XKR6: variants seen among roughly 807,000 people sequenced by gnomAD.
XKR6 encodes XK related 6, also known as XK-related protein 6.
A neutral mutation model predicts 56.7 loss-of-function variants in XKR6; 22 were observed. The ratio of observed to expected loss-of-function variants is 0.39; its 90% CI spans 0.28 to 0.55. The LOEUF is 0.55. Ranked by LOEUF, XKR6 falls within the 20% of genes least tolerant of loss-of-function variation. The pLI is 0.66. For synonymous variants in XKR6, 524 were observed against 387.8 expected, an observed-to-expected ratio of 1.35 and a Z score of -4.13; for missense variants, 852 against 889.0, an observed-to-expected ratio of 0.96 and a Z score of 0.53.
rs77564717 is a variant in XKR6, at chr8:11,196,140, T to C, written c.764+4436A>G. 3.1e-3 allele frequency among the ~76,000 whole-genome samples: 477 copies of C among 152,228 alleles called. 10 individuals are homozygous for C. The highest frequency in any genetic ancestry group is 0.022 in the South Asian group (105 of 4,822). On this transcript the variant is annotated intron_variant, in intron 1 of 2. Transcript: ENST00000416569. ...ATCTCCTCATTTGTAGGTATCTAAA[T>C]ATTGAATATTACCATTCTTAAACCA...
At chr8:10,969,178 C>G (rs901303282) in intron 1 of XKR6, among the ~76,000 whole-genome samples, 4 of 152,158 alleles carry the variant, frequency 2.6e-5, no homozygotes, top group African/African-American at 9.7e-5. Context: ...TTTTTACAAG[C>G]ACTGCAGGGA....
chr8:11,025,093 G>A (rs572380998), intron 1 of XKR6, among the ~76,000 whole-genome samples: 2 of 152,292 alleles, frequency 1.3e-5, no homozygotes, highest in South Asian at 2.1e-4. Context: ...CCTTGGAGCC[G>A]ACTGGAGCAT....
intron 1 of XKR6, among the ~76,000 whole-genome samples, chr8:10,988,766 A>C (rs1797921935): frequency 6.6e-6 from 1 of 152,258 alleles, no homozygotes; most frequent in South Asian, 2.1e-4. Flanking sequence ...TAATGGTCCC[A>C]ATTTGTCACA....
At chr8:10,910,381 C>G (rs530947112) in intron 2 of XKR6, among the ~76,000 whole-genome samples, 4 of 152,264 alleles carry the variant, frequency 2.6e-5, no homozygotes, top group Admixed American at 2.6e-4. Flanking sequence ...CCTAACGGGC[C>G]TGGAGGTACA....
chr8:11,003,156 TGAAATAA>T (rs1798284411), intron 1 of XKR6, among the ~76,000 whole-genome samples: 1 of 146,006 alleles, frequency 6.8e-6, no homozygotes, highest in Non-Finnish European at 1.6e-5. Flanking sequence ...AGGTGAGCCT[TGAAATAA>T]TAGAGTACGT....
intron 1 of XKR6, among the ~76,000 whole-genome samples, chr8:11,141,560 C>T (rs182667412): frequency 2.0e-5 from 3 of 152,352 alleles, no homozygotes; most frequent in Admixed American, 6.5e-5. Context: ...ACAAGTCAGA[C>T]GCATACTCTT....
intron 1 of XKR6, among the ~76,000 whole-genome samples, chr8:11,185,802 C>G (rs1221621919): frequency 3.9e-5 from 6 of 152,148 alleles, no homozygotes; most frequent in Non-Finnish European, 7.3e-5. Context: ...AATGAAATAT[C>G]ATCTAAAGAA....
intron 1 of XKR6, among the ~76,000 whole-genome samples, chr8:11,139,541 T>C (rs145416944): frequency 1.3e-5 from 2 of 152,050 alleles, no homozygotes; most frequent in East Asian, 1.9e-4. Context: ...TCCGAGGGAC[T>C]AGATGAGCCT....
At chr8:11,073,899 G>A (rs1006621407) in intron 1 of XKR6, among the ~76,000 whole-genome samples, 1 of 152,308 alleles carries the variant, frequency 6.6e-6, no homozygotes, top group African/African-American at 2.4e-5. Flanking sequence ...TACCCACTCA[G>A]TGGGCTGGGA....
In XKR6 at chr8:11,160,911, CA is replaced by C. The variant is rs33931830; in HGVS notation, c.764+39664del. ...TGGGCAACAGAACGAGACTCCGTCT[CA>C]AAAAAAAAAAAAAAAAAAAGAAAAA... On this transcript the variant is annotated intron_variant, in intron 1 of 2. Transcript: ENST00000416569. Among the ~76,000 whole-genome samples, 287 of 63,776 alleles carry C rather than the reference CA, an allele frequency of 4.5e-3. 1 individual carries two copies. The highest frequency in any genetic ancestry group is 0.012 in the African/African-American group (177 of 15,360). 41.8% of individuals were successfully genotyped at this position (63,776 alleles called of 152,430 possible).
At chr8:10,986,408 C>A (rs116305234) in intron 1 of XKR6, among the ~76,000 whole-genome samples, 3 of 151,902 alleles carry the variant, frequency 2.0e-5, no homozygotes, top group Non-Finnish European at 1.5e-5. Context: ...ATAAAAGGAT[C>A]TACAAATATG....
chr8:11,189,444 C>A (rs1803434858), intron 1 of XKR6, among the ~76,000 whole-genome samples: 1 of 152,196 alleles, frequency 6.6e-6, no homozygotes, highest in Admixed American at 6.5e-5. Flanking sequence ...GCAACAGCAA[C>A]TCTTTGGTTA....
At chr8:11,168,127 C>T (rs1409545500) in intron 1 of XKR6, among the ~76,000 whole-genome samples, 1 of 152,090 alleles carries the variant, frequency 6.6e-6, no homozygotes, top group African/African-American at 2.4e-5. Flanking sequence ...TTTCAAACAC[C>T]CCATTTTCAA....
At chr8:10,986,450 A>C (rs967054695) in intron 1 of XKR6, among the ~76,000 whole-genome samples, 1 of 152,272 alleles carries the variant, frequency 6.6e-6, no homozygotes, top group East Asian at 1.9e-4. Context: ...TATGAAAGAT[A>C]AAAGCGACAC....
intron 1 of XKR6, among the ~76,000 whole-genome samples, chr8:11,170,405 TG>T (rs1249399603): frequency 6.6e-6 from 1 of 152,236 alleles, no homozygotes; most frequent in African/African-American, 2.4e-5. Flanking sequence ...GGCTATACCA[TG>T]GATGAACCTT....
At chr8:11,132,196 C>G (rs918650696) in intron 1 of XKR6, among the ~76,000 whole-genome samples, 3 of 152,036 alleles carry the variant, frequency 2.0e-5, no homozygotes, top group Non-Finnish European at 4.4e-5. Flanking sequence ...CTCATAAAAT[C>G]AAGTAATCAG....
intron 1 of XKR6, among the ~76,000 whole-genome samples, chr8:11,165,515 T>A (rs948757631): frequency 1.3e-5 from 2 of 152,176 alleles, no homozygotes; most frequent in African/African-American, 4.8e-5. Flanking sequence ...CAATGAGGGA[T>A]GATGAAGAAG....
intron 1 of XKR6, among the ~76,000 whole-genome samples, chr8:10,957,773 C>G (rs913925154): frequency 1.3e-5 from 2 of 152,136 alleles, no homozygotes; most frequent in Admixed American, 6.5e-5. Flanking sequence ...CATCCCTCCT[C>G]AGAACAAGCG....
intron 1 of XKR6, among the ~76,000 whole-genome samples, chr8:10,949,640 G>A (rs554461776): frequency 9.6e-4 from 146 of 152,368 alleles, no homozygotes; most frequent in Non-Finnish European, 1.9e-3. Flanking sequence ...AAGGCAGTAT[G>A]TCTATTGTTA....
Sources: gnomAD v4.1 joint callset for allele counts (sites outside exome capture counted in the v4.1 genomes callset) on GRCh38, gnomAD v4.1.1 for gene constraint, MANE v1.5 for transcripts, NCBI Gene and HGNC (gene_info 2026-07-23, HGNC 2026-07-21) for gene names.